Variants in VAPB observed in about 807,000 individuals in gnomAD.
The protein encoded by VAPB is VAMP associated protein B and C.
Under a neutral mutation model 25.6 loss-of-function variants are expected in VAPB, and 7 were observed. The observed-to-expected ratio is 0.27, with a 90% CI of 0.16 to 0.51. The LOEUF is 0.51. VAPB is among the 20% of genes least tolerant of loss of function. The probability of loss-of-function intolerance (pLI) is 0.97; values close to 1 mark genes in which losing one functional copy is unlikely to be tolerated. For missense variants in VAPB, 266 were observed against 301.3 expected (o/e 0.88, Z 0.87); for synonymous variants, 112 against 109.2 (o/e 1.03, Z -0.16).
chr20:58,389,354 G>C lies in VAPB; in HGVS notation c.-106G>C. 2 of 675,452 alleles carry C rather than the reference G, an allele frequency of 3.0e-6. No individual in the cohort carries two copies. The highest frequency in any genetic ancestry group is 2.2e-6 in the Non-Finnish European group (1 of 457,298). The allele number at this position is 675,452 out of a possible 1,614,324, so 41.8% of individuals were successfully genotyped here. A position where few individuals can be genotyped will look rare whatever the true frequency, so the allele number is the denominator to read the frequency against. On this transcript the variant is annotated 5_prime_UTR_variant, in exon 1 of 6. Transcript: ENST00000475243. Reference sequence around the variant, plus strand: ...GAGGACCCCCGCCCGTGCCCCGACCGGTCCCCGCCTTTTTGTAAAACTTAA... The same window carrying C: ...GAGGACCCCCGCCCGTGCCCCGACCCGTCCCCGCCTTTTTGTAAAACTTAA...
At chr20:58,396,256 T>G (rs1987956293) in intron 1 of VAPB, among the ~76,000 whole-genome samples, 1 of 152,240 alleles carries the variant, frequency 6.6e-6, no homozygotes, top group Non-Finnish European at 1.5e-5. Flanking sequence ...AAGTGATGTC[T>G]TCACGCTTTT....
chr20:58,440,770 T>TG (rs1221102306), intron 4 of VAPB, 137 bp from the exon 5 acceptor site: 4 of 780,578 alleles, frequency 5.1e-6, no homozygotes, highest in Admixed American at 5.2e-5. Context: ...AATCCATTTT[T>TG]AAAATAAATG....
At chr20:58,418,885 C>CA (rs1055463584) in intron 2 of VAPB, among the ~76,000 whole-genome samples, 1 of 152,130 alleles carries the variant, frequency 6.6e-6, no homozygotes, top group African/African-American at 2.4e-5. Flanking sequence ...GGAATATACT[C>CA]AAGGGTGTCA....
Position 58,447,388 on chromosome 20 carries a change from ACT to A in VAPB, c.*3154_*3155del, listed in dbSNP as rs1205488197. 4.4e-6 allele frequency: 2 copies of A among 454,006 alleles called. No individual in the cohort carries two copies. Among genetic ancestry groups the A allele is most frequent in the Non-Finnish European group, 8.8e-6 (2 of 226,770 alleles). 28.1% of individuals were successfully genotyped at this position (454,006 alleles called of 1,614,324 possible). On this transcript the variant is annotated 3_prime_UTR_variant, in exon 6 of 6. Coordinates refer to ENST00000475243, the MANE Select transcript of VAPB (RefSeq NM_004738.5). The stretch of plus-strand genomic sequence containing the variant: ...ACTGCTGGCACCAGCAGTAATACAT[ACT>A]GATAAAATCAAAATTGATTTTTACC...
rs1256594775 is a variant in VAPB at position 58,447,601 on chromosome 20, G to A, written c.*3366G>A. On this transcript the variant is annotated 3_prime_UTR_variant, in exon 6 of 6. Transcript: ENST00000475243. ...GTTGAGTCAGATAGAACTGAATGTA[G>A]TGAGAGCTCAGAGCTACAGAGCCTT... is the stretch of plus-strand genomic sequence containing the variant. 2.2e-6 allele frequency: 1 copy of A among 454,134 alleles called. No homozygotes were observed. The highest frequency in any genetic ancestry group is 6.9e-5 in the East Asian group (1 of 14,402). 28.1% of individuals were successfully genotyped at this position (454,134 alleles called of 1,614,324 possible).
intron 1 of VAPB, among the ~76,000 whole-genome samples, chr20:58,413,391 A>T (rs1274263094): frequency 6.6e-6 from 1 of 151,942 alleles, no homozygotes; most frequent in African/African-American, 2.4e-5. Flanking sequence ...TTAACAAAGC[A>T]CATCTTGCAC....
Position 58,450,560 on chromosome 20 carries a change from TA to T in VAPB, c.*6330del. 2.2e-6 allele frequency: 1 copy of T among 453,402 alleles called. No homozygotes were observed. Among genetic ancestry groups the T allele is most frequent in the Admixed American group, 2.4e-5 (1 of 42,482 alleles). 28.1% of individuals were successfully genotyped at this position (453,402 alleles called of 1,614,324 possible). A position where few individuals can be genotyped will look rare whatever the true frequency, so the allele number is the denominator to read the frequency against. ...CCATTTGGAACTTCCTATAAGAAACTAAAAATGATCTATTTCAGTGTTCCTT... is the reference window on the plus strand; with the variant it reads ...CCATTTGGAACTTCCTATAAGAAACTAAAATGATCTATTTCAGTGTTCCTT... On this transcript the variant is annotated 3_prime_UTR_variant, in exon 6 of 6. Coordinates refer to ENST00000475243, the MANE Select transcript of VAPB (RefSeq NM_004738.5).
chr20:58,393,645 C>T (rs1255172083), intron 1 of VAPB, among the ~76,000 whole-genome samples: 3 of 152,302 alleles, frequency 2.0e-5, no homozygotes, highest in Middle Eastern at 6.8e-3. Context: ...CATCCTAGCC[C>T]ATTCCCCCAG....
At chr20:58,394,486 G>A (rs766762322) in intron 1 of VAPB, among the ~76,000 whole-genome samples, 7 of 152,226 alleles carry the variant, frequency 4.6e-5, no homozygotes, top group Admixed American at 2.0e-4. Context: ...ACAACAGAGC[G>A]TCAGCCATGT....
Position 58,446,885 on chromosome 20 carries a change from G to T in VAPB, c.*2650G>T, listed in dbSNP as rs948842255. The T allele has an allele frequency of 2.2e-6, 1 of 453,984 alleles. No homozygotes were observed. The highest frequency in any genetic ancestry group is 2.0e-5 in the African/African-American group (1 of 50,006). The allele number at this position is 453,984 out of a possible 1,614,324, so 28.1% of individuals were successfully genotyped here. A position where few individuals can be genotyped will look rare whatever the true frequency, so the allele number is the denominator to read the frequency against. On this transcript the variant is annotated 3_prime_UTR_variant, in exon 6 of 6. Coordinates refer to ENST00000475243, the MANE Select transcript of VAPB (RefSeq NM_004738.5). ...ACTTGGAGATGCATGCACATTTAGG[G>T]TGTTTTCCCTAGAATTACATAATGA... is the stretch of plus-strand genomic sequence containing the variant.
chr20:58,444,050 C>G (rs372514581), intron 5 of VAPB, 27 bp from the exon 6 acceptor site: 5 of 1,614,064 alleles, frequency 3.1e-6, no homozygotes, highest in Non-Finnish European at 4.2e-6. Context: ...CTTGGCTTGT[C>G]TTTGAAATGT....
intron 1 of VAPB, among the ~76,000 whole-genome samples, chr20:58,397,152 C>G (rs1987977866): frequency 6.6e-6 from 1 of 152,112 alleles, no homozygotes; most frequent in Admixed American, 6.6e-5. Context: ...CAGATGACTC[C>G]AAAGAATGTT....
chr20:58,391,917 G>GATCTC (rs1224617506), intron 1 of VAPB, among the ~76,000 whole-genome samples: 1 of 152,228 alleles, frequency 6.6e-6, no homozygotes, highest in Non-Finnish European at 1.5e-5. Context: ...ACAAGAGTCA[G>GATCTC]ATCTCAGTCC....
chr20:58,397,549 T>G (rs1376917039), intron 1 of VAPB, among the ~76,000 whole-genome samples: 1 of 150,998 alleles, frequency 6.6e-6, no homozygotes, highest in Non-Finnish European at 1.5e-5. Flanking sequence ...ACACATTAAC[T>G]TGTGGGTAAT....
rs553588236 is a variant in VAPB at position 58,389,294 on chromosome 20, G to A, written c.-166G>A. On this transcript the variant is annotated 5_prime_UTR_variant, in exon 1 of 6. Transcript: ENST00000475243. ...CCCTCCGCCCCTGCGCCTGCACCGC[G>A]TAGACCGACCCCCCCCCAGCGCGCC... The A allele has an allele frequency of 1.7e-4, 127 of 727,414 alleles. No homozygotes were observed. Among genetic ancestry groups the A allele is most frequent in the Non-Finnish European group, 2.8e-4 (120 of 422,932 alleles). 45.1% of individuals were successfully genotyped at this position (727,414 alleles called of 1,614,324 possible).
intron 1 of VAPB, among the ~76,000 whole-genome samples, chr20:58,404,143 T>A (rs370054151): frequency 1.3e-5 from 2 of 152,346 alleles, no homozygotes; most frequent in South Asian, 4.1e-4. Context: ...TTTCCAGAGA[T>A]ATTTTTCTAA....
rs919650033 is a variant in VAPB, at chr20:58,389,595, T to A, written c.58+78T>A. On this transcript the variant is annotated intron_variant, in intron 1 of 5. Coordinates refer to ENST00000475243, the MANE Select transcript of VAPB (RefSeq NM_004738.5). ...GAAGGACGGAGCCCGGCGCGGCGGG[T>A]GACGTCGGCCCTCGTCCCCACCCCG... 4.0e-4 allele frequency: 586 copies of A among 1,469,856 alleles called. 3 individuals are homozygous for A. Among genetic ancestry groups the A allele is most frequent in the Middle Eastern group, 3.1e-3 (13 of 4,144 alleles). 91.1% of individuals were successfully genotyped at this position (1,469,856 alleles called of 1,614,324 possible).
At chr20:58,414,989 G>A (rs898113463) in intron 1 of VAPB, among the ~76,000 whole-genome samples, 5 of 152,268 alleles carry the variant, frequency 3.3e-5, no homozygotes, top group African/African-American at 4.8e-5. Flanking sequence ...TCGGGAGGCC[G>A]AGGCCGGCGG....
chr20:58,409,935 A>AC (rs1988333974), intron 1 of VAPB, among the ~76,000 whole-genome samples: 1 of 150,062 alleles, frequency 6.7e-6, no homozygotes, highest in Admixed American at 6.6e-5. Context: ...ACACACACAC[A>AC]ATACAGATAG....
Sources: allele counts gnomAD v4.1 joint callset (sites outside exome capture counted in the v4.1 genomes callset), GRCh38; gene constraint gnomAD v4.1.1; transcripts MANE v1.5; gene names NCBI Gene and HGNC (gene_info 2026-07-23, HGNC 2026-07-21).